Variants in SEC24B observed in about 807,000 individuals in gnomAD.
SEC24B encodes SEC24 homolog B, COPII component.
Under a neutral mutation model 142.8 loss-of-function variants are expected in SEC24B, and 45 were observed. The observed-to-expected ratio is 0.32, with a 90% CI of 0.25 to 0.40. The LOEUF (loss-of-function observed/expected upper bound fraction) is 0.40, where lower values mean the gene tolerates loss of function less well. Among genes scored for constraint, SEC24B ranks in the 10% least tolerant of loss-of-function variants. The probability of loss-of-function intolerance (pLI) is 1.00; values close to 1 mark genes in which losing one functional copy is unlikely to be tolerated. For synonymous variants in SEC24B, 574 were observed against 568.2 expected (o/e 1.01, Z -0.15); for missense variants, 1,409 against 1,526.8 (o/e 0.92, Z 1.29).
chr4:109,474,424 G>GTT lies in SEC24B; in HGVS notation c.1060+1253_1060+1254dup, dbSNP rs71594186. 3.4e-4 allele frequency among the ~76,000 whole-genome samples: 44 copies of GTT among 130,102 alleles called. 1 individual carries two copies. The highest frequency in any genetic ancestry group is 4.1e-3 in the Middle Eastern group (1 of 246). The allele number at this position is 130,102 out of a possible 152,430, so 85.4% of individuals were successfully genotyped here. A position where few individuals can be genotyped will look rare whatever the true frequency, so the allele number is the denominator to read the frequency against. On this transcript the variant is annotated intron_variant, in intron 3 of 23. Coordinates refer to ENST00000265175, the MANE Select transcript of SEC24B (RefSeq NM_006323.5). Reference sequence around the variant, plus strand: ...CCCCTGCTGCTTATTTCTTCCTATTGTTTTTTTTTTTTTTTTGGAGTTGGG... The same window carrying GTT: ...CCCCTGCTGCTTATTTCTTCCTATTGTTTTTTTTTTTTTTTTTTGGAGTTGGG...
chr4:109,436,011 G>A (rs1293925805), intron 1 of SEC24B, among the ~76,000 whole-genome samples: 1 of 152,142 alleles, frequency 6.6e-6, no homozygotes, highest in Non-Finnish European at 1.5e-5. Flanking sequence ...GGGTGGCATG[G>A]GAAGCCAAGG....
chr4:109,482,955 T>C (rs1733892081), intron 4 of SEC24B, among the ~76,000 whole-genome samples: 6 of 52,558 alleles, frequency 1.1e-4, no homozygotes, highest in African/African-American at 7.5e-4. Context: ...TATATATATA[T>C]ATATATATAT....
In SEC24B at chr4:109,521,521, G is replaced by A. The variant is rs1469425294; in HGVS notation, c.2403G>A (p.Met801Ile). 1 of 1,614,102 alleles carries A rather than the reference G, an allele frequency of 6.2e-7. No homozygotes were observed. The highest frequency in any genetic ancestry group is 2.2e-5 in the East Asian group (1 of 44,878). Reference protein sequence around the residue: ...GPALQAAFKLMSPTGGRVSVF... With the variant: ...GPALQAAFKLISPTGGRVSVF... ...CACTTCAGGCTGCCTTTAAATTAAT[G>A]TCTCCAACAGGTGGCCGTGTGTCTG... The change falls in exon 14 of 24, where the codon ATG becomes ATA. Residue 801 changes from methionine (M) to isoleucine (I), a missense_variant. Around this residue, in one of 2 missense-constraint regions of SEC24B, gnomAD observed 700 missense variants for 853.3 expected, o/e 0.82. Coordinates refer to ENST00000265175, the MANE Select transcript of SEC24B (RefSeq NM_006323.5).
Position 109,521,135 on chromosome 4 carries a change from C to A in SEC24B, c.2264C>A (p.Pro755Gln). 6.6e-7 allele frequency: 1 copy of A among 1,516,952 alleles called. No individual in the cohort carries two copies. Among genetic ancestry groups the A allele is most frequent in the South Asian group, 1.2e-5 (1 of 86,674 alleles). The allele number at this position is 1,516,952 out of a possible 1,614,324, so 94.0% of individuals were successfully genotyped here. The change falls in exon 13 of 24, where the codon CCG becomes CAG. Residue 755 changes from proline (P) to glutamine (Q), a missense_variant. Transcript: ENST00000265175. ...CCTATAGATGTTTTTCTACCTACAC[C>A]GGATAGTTTACTTGTGAATCTATAT... ...SDIDDVFLPT[P>Q]DSLLVNLYES...
intron 4 of SEC24B, among the ~76,000 whole-genome samples, chr4:109,482,153 T>C (rs1378564233): frequency 6.6e-6 from 1 of 152,256 alleles, no homozygotes; most frequent in Non-Finnish European, 1.5e-5. Flanking sequence ...CTTTGCCTGC[T>C]ACTTTAGTCT....
chr4:109,481,847 T>TCTTA, intron 4 of SEC24B, 66 bp downstream of exon 4: 1 of 1,200,428 alleles, frequency 8.3e-7, no homozygotes, highest in East Asian at 2.3e-5. Context: ...GTTTCCACAG[T>TCTTA]CTTACTTAGC....
At chr4:109,506,799 T>C (rs1006306996) in intron 7 of SEC24B, among the ~76,000 whole-genome samples, 1 of 152,190 alleles carries the variant, frequency 6.6e-6, no homozygotes, top group African/African-American at 2.4e-5. Flanking sequence ...ATTTCTTAAA[T>C]CTTTTTCCTC....
At chr4:109,454,277 G>T (rs994400179) in intron 1 of SEC24B, among the ~76,000 whole-genome samples, 1 of 151,906 alleles carries the variant, frequency 6.6e-6, no homozygotes, top group Non-Finnish European at 1.5e-5. Context: ...AGTAGCTCTC[G>T]CCTATAATCC....
intron 10 of SEC24B, among the ~76,000 whole-genome samples, chr4:109,516,305 CTG>C (rs1367798904): frequency 6.6e-6 from 1 of 152,186 alleles, no homozygotes; most frequent in East Asian, 1.9e-4. Context: ...ATCTATTTAA[CTG>C]TGGCTGTGTA....
chr4:109,435,001 TTGAC>T (rs1359252002), intron 1 of SEC24B, among the ~76,000 whole-genome samples: 2 of 152,222 alleles, frequency 1.3e-5, no homozygotes, highest in Non-Finnish European at 2.9e-5. Context: ...TGGAAAGTAA[TTGAC>T]TGAATTTAGA....
chr4:109,442,317 G>A (rs74546851), intron 1 of SEC24B, among the ~76,000 whole-genome samples: 2,925 of 152,238 alleles, frequency 0.019, 97 homozygotes, highest in African/African-American at 0.067. Flanking sequence ...GCATGGTGGG[G>A]TAAAGCAGGG....
At position 109,530,420 on chromosome 4, in the gene SEC24B, T is replaced by A. The variant is rs755041853; in HGVS notation, c.3208T>A (p.Ser1070Thr). The part of the protein sequence containing the change: ...LQHSALMAPS[S>T]LKLFPLYVLA... ...GCACTCTGCATTGATGGCGCCCAGC[T>A]CCCTCAAGTTGTTTCCTCTCTATGT... is the stretch of plus-strand genomic sequence containing the variant. Residue 1070 changes from serine to threonine, a missense_variant, in exon 19 of 24, where the codon TCC (serine) becomes ACC (threonine). Physicochemically the swap from Ser to Thr is moderately conservative, Grantham distance 58 (BLOSUM62 1). This residue lies in a region of SEC24B where 700 missense variants were observed against 853.3 expected (regional missense o/e 0.82). Transcript: ENST00000265175. 2.5e-6 allele frequency: 4 copies of A among 1,614,082 alleles called. No individual in the cohort carries two copies. The highest frequency in any genetic ancestry group is 3.4e-6 in the Non-Finnish European group (4 of 1,179,982).
In SEC24B at chr4:109,494,785, G is replaced by A. The variant is rs1458498675; in HGVS notation, c.1417G>A (p.Ala473Thr). The A allele has an allele frequency of 1.2e-6, 2 of 1,614,172 alleles. No homozygotes were observed. The highest frequency in any genetic ancestry group is 3.3e-5 in the Admixed American group (2 of 60,002). ...AACACTTCAGCCTGGTTATCAGAAT[G>A]CTACAGCACCACTTATTTCTGGAGT... ...YPTLQPGYQN[A>T]TAPLISGVQP... Residue 473 changes from alanine (A) to threonine (T), a missense_variant, in exon 6 of 24, where the codon GCT (alanine) becomes ACT (threonine). By Grantham distance (58) the Ala-to-Thr change is moderately conservative. This residue lies in a region of SEC24B where 709 missense variants were observed against 673.5 expected (regional missense o/e 1.05). Coordinates refer to ENST00000265175, the MANE Select transcript of SEC24B (RefSeq NM_006323.5).
intron 2 of SEC24B, among the ~76,000 whole-genome samples, chr4:109,464,282 A>T (rs1412632884): frequency 6.7e-6 from 1 of 150,140 alleles, no homozygotes; most frequent in African/African-American, 2.4e-5. Context: ...TGTATGTAAG[A>T]CGTGGCTTGC....
chr4:109,448,307 A>G (rs952520651), intron 1 of SEC24B, among the ~76,000 whole-genome samples: 3 of 152,114 alleles, frequency 2.0e-5, no homozygotes, highest in Non-Finnish European at 4.4e-5. Context: ...GAGTAACAAT[A>G]TCAGATCTGC....
intron 1 of SEC24B, among the ~76,000 whole-genome samples, chr4:109,462,375 T>G (rs1243094056): frequency 2.0e-5 from 3 of 152,174 alleles, no homozygotes; most frequent in South Asian, 4.1e-4. Context: ...TGGCTCAGGG[T>G]CTCTCATGAG....
chr4:109,462,923 G>A lies in SEC24B; in HGVS notation c.156G>A (p.Gln52=), dbSNP rs746575147. The A allele has an allele frequency of 1.2e-6, 2 of 1,609,754 alleles. No individual in the cohort carries two copies. Among genetic ancestry groups the A allele is most frequent in the Admixed American group, 3.3e-5 (2 of 59,950 alleles). ...CAGGTCCAGCCCAGAATCAAATGCA[G>A]GTTCCATCTGGATATGGATTGCATC... The part of the protein sequence containing the change: ...QQNGPAQNQM[Q]VPSGYGLHHQ... Residue 52 remains glutamine (Q), a synonymous_variant, in exon 2 of 24, where the codon CAG becomes CAA. Coordinates refer to ENST00000265175, the MANE Select transcript of SEC24B (RefSeq NM_006323.5).
chr4:109,449,334 C>T (rs1729811185), intron 1 of SEC24B: 1 of 347,360 alleles, frequency 2.9e-6, no homozygotes, highest in African/African-American at 2.2e-5. Flanking sequence ...AGCAATCCTC[C>T]CACCTCAGCC....
intron 11 of SEC24B, among the ~76,000 whole-genome samples, chr4:109,518,468 CA>C (rs2126065526): frequency 6.6e-6 from 1 of 152,258 alleles, no homozygotes; most frequent in South Asian, 2.1e-4. Flanking sequence ...TTGGTGATTC[CA>C]AAAGGTTCTC....
Sources: allele counts gnomAD v4.1 joint callset (sites outside exome capture counted in the v4.1 genomes callset), GRCh38; gene constraint gnomAD v4.1.1; regional missense constraint gnomAD v4.1.1; transcripts MANE v1.5; gene names NCBI Gene and HGNC (gene_info 2026-07-23, HGNC 2026-07-21).